IRAK1: variants seen among roughly 807,000 people sequenced by gnomAD.
The protein encoded by IRAK1 is interleukin 1 receptor associated kinase 1.
A neutral mutation model predicts 49.8 loss-of-function variants in IRAK1; 9 were observed. The observed-to-expected ratio is 0.18, with a 90% CI of 0.11 to 0.32. The LOEUF (loss-of-function observed/expected upper bound fraction) is 0.32, where lower values mean the gene tolerates loss of function less well. IRAK1 is among the 10% of genes least tolerant of loss of function. IRAK1 has a pLI of 1.00. For missense variants in IRAK1, 418 were observed against 600.5 expected, an observed-to-expected ratio of 0.70 and a Z score of 3.18; for synonymous variants, 282 against 270.8, an observed-to-expected ratio of 1.04 and a Z score of -0.41.
Position 154,019,587 on chromosome X carries a change from C to G in IRAK1, c.148G>C (p.Val50Leu). Residue 50 changes from valine to leucine, a missense_variant, in exon 2 of 14, where the codon GTG (valine) becomes CTG (leucine). By Grantham distance (32) the Val-to-Leu change is conservative. Coordinates refer to ENST00000369980, the MANE Select transcript of IRAK1 (RefSeq NM_001569.4). ...ADWCQFAALIVRDQTELRLCE... is the reference protein window; with the variant it reads ...ADWCQFAALILRDQTELRLCE... The stretch of plus-strand genomic sequence containing the variant: ...AGCCGCAGCTCGGTCTGGTCGCGCA[C>G]GATCAGGGCGGCTGCGGGGCGGGGG... 9.1e-7 allele frequency: 1 copy of G among 1,098,433 alleles called. No individual in the cohort carries two copies. Among genetic ancestry groups the G allele is most frequent in the Non-Finnish European group, 1.2e-6 (1 of 845,500 alleles). 90.5% of individuals were successfully genotyped at this position (1,098,433 alleles called of 1,213,427 possible).
chrX:154,013,984 A>G, intron 11 of IRAK1, 58 bp downstream of exon 11: 1 of 1,168,606 alleles, frequency 8.6e-7, no homozygotes, highest in South Asian at 1.9e-5. Flanking sequence ...ACTACAGAGC[A>G]AGGCCTGGAA....
chrX:154,017,909 T>A (rs2148642195), intron 7 of IRAK1, 97 bp downstream of exon 7: 16 of 452,658 alleles, frequency 3.5e-5, no homozygotes, highest in East Asian at 1.2e-4. Context: ...CAGGACCCAC[T>A]CACACAGGCT....
Position 154,010,883 on chromosome X carries a change from C to T in IRAK1, c.*976G>A, listed in dbSNP as rs1557127217. 3.0e-6 allele frequency: 1 copy of T among 329,173 alleles called. No homozygotes were observed. The highest frequency in any genetic ancestry group is 2.7e-5 in the African/African-American group (1 of 37,170). The allele number at this position is 329,173 out of a possible 1,213,427, so 27.1% of individuals were successfully genotyped here. On this transcript the variant is annotated 3_prime_UTR_variant, in exon 14 of 14. Coordinates refer to ENST00000369980, the MANE Select transcript of IRAK1 (RefSeq NM_001569.4). ...TGAGCTTGTGGCCTCCGAAGCCTGA[C>T]CTGGCTCGGAGCTCGTCTGTGGCGC...
chrX:154,011,947 C>G, intron 13 of IRAK1, 30 bp from the exon 14 acceptor site: 1 of 1,166,718 alleles, frequency 8.6e-7, no homozygotes, highest in Non-Finnish European at 1.2e-6. Context: ...GTCCGCTTAG[C>G]AAATGGGGGA....
Position 154,013,130 on chromosome X carries a change from G to C in IRAK1, c.1843C>G (p.Leu615Val). The change falls in exon 12 of 14, where the codon CTC becomes GTC. Residue 615 changes from leucine (L) to valine (V), a missense_variant. Transcript: ENST00000369980. ...TPSCPLDPAP[L>V]REAGCPQGDT... Reference sequence around the variant, plus strand: ...CCCTGAGGACAGCCGGCCTCCCTGAGGGGTGCTGGGTCCAGAGGGCAGCTT... The same window carrying C: ...CCCTGAGGACAGCCGGCCTCCCTGACGGGTGCTGGGTCCAGAGGGCAGCTT... 8.3e-7 allele frequency: 1 copy of C among 1,209,875 alleles called. No individual in the cohort carries two copies. The highest frequency in any genetic ancestry group is 3.0e-5 in the East Asian group (1 of 33,812).
In IRAK1 at chrX:154,014,034, C is replaced by T. The variant is rs1557128401; in HGVS notation, c.1539+8G>A. On this transcript the variant is annotated splice_region_variant and intron_variant, in intron 11 of 13. Coordinates refer to ENST00000369980, the MANE Select transcript of IRAK1 (RefSeq NM_001569.4). The stretch of plus-strand genomic sequence containing the variant: ...CTGGCCACCCCGTCCCAGTGCGCAG[C>T]TGGCTACCTGGGTCATAGGAGGCCT... The T allele has an allele frequency of 1.7e-6, 2 of 1,196,396 alleles. No individual in the cohort carries two copies. The highest frequency in any genetic ancestry group is 4.7e-5 in the Admixed American group (2 of 42,359).
At chrX:154,018,514 G>A (rs1290998372) in intron 5 of IRAK1, 85 bp downstream of exon 5, 3 of 930,358 alleles carry the variant, frequency 3.2e-6, no homozygotes, top group East Asian at 6.2e-5. Context: ...AAGGAGTTGT[G>A]TGGGGAAGCG....
rs1201446920 is a variant in IRAK1 at position 154,011,381 on chromosome X, C to T, written c.*478G>A. 2 of 247,132 alleles carry T rather than the reference C, an allele frequency of 8.1e-6. No homozygotes were observed. The highest frequency in any genetic ancestry group is 1.1e-4 in the East Asian group (1 of 9,456). 20.4% of individuals were successfully genotyped at this position (247,132 alleles called of 1,213,427 possible). A position where few individuals can be genotyped will look rare whatever the true frequency, so the allele number is the denominator to read the frequency against. ...CTGGGATTACAGGCGTGAGCCACCG[C>T]ACCCGGCCACACTTTTCCAAATTGT... On this transcript the variant is annotated 3_prime_UTR_variant, in exon 14 of 14. Coordinates refer to ENST00000369980, the MANE Select transcript of IRAK1 (RefSeq NM_001569.4).
At chrX:154,018,143 T>G in intron 6 of IRAK1, 23 bp from the exon 7 acceptor site, 1 of 1,154,736 alleles carries the variant, frequency 8.7e-7, no homozygotes, top group Non-Finnish European at 1.2e-6. Flanking sequence ...GGGGAGCACT[T>G]TCCATCAGGC....
chrX:154,018,429 T>C, intron 5 of IRAK1, 74 bp from the exon 6 acceptor site: 1 of 986,108 alleles, frequency 1.0e-6, no homozygotes, highest in Non-Finnish European at 1.4e-6. Context: ...GCGAAGGCCT[T>C]CGGGCCACCA....
chrX:154,016,557 G>A lies in IRAK1; in HGVS notation c.1116C>T (p.Pro372=). The A allele has an allele frequency of 4.1e-6, 5 of 1,211,953 alleles. No homozygotes were observed. Among genetic ancestry groups the A allele is most frequent in the Non-Finnish European group, 5.6e-6 (5 of 895,166 alleles). ...ARFSRFAGSS[P]SQSSMVARTQ... is the part of the protein sequence containing the mutation. Reference sequence around the variant, plus strand: ...TCCGGGCCACCATGCTGCTCTGGCTGGGGCTGGACCCGGCAAAGCGGCTGA... The same window carrying A: ...TCCGGGCCACCATGCTGCTCTGGCTAGGGCTGGACCCGGCAAAGCGGCTGA... The change falls in exon 9 of 14, where the codon CCC becomes CCT. Residue 372 remains proline, a synonymous_variant. Coordinates refer to ENST00000369980, the MANE Select transcript of IRAK1 (RefSeq NM_001569.4).
rs1557127248 is a variant in IRAK1, at chrX:154,010,960, C to T, written c.*899G>A. ...CCACATTAGGCCAGCTCGCAGGTCCCCAGTAAAGCCTGAAGACACTGGCCC... is the reference window on the plus strand; with the variant it reads ...CCACATTAGGCCAGCTCGCAGGTCCTCAGTAAAGCCTGAAGACACTGGCCC... On this transcript the variant is annotated 3_prime_UTR_variant, in exon 14 of 14. Transcript: ENST00000369980. The T allele has an allele frequency of 5.8e-6, 2 of 342,645 alleles. No homozygotes were observed. Among genetic ancestry groups the T allele is most frequent in the Non-Finnish European group, 5.9e-6 (1 of 170,228 alleles). 28.2% of individuals were successfully genotyped at this position (342,645 alleles called of 1,213,427 possible).
intron 11 of IRAK1, 65 bp downstream of exon 11, chrX:154,013,977 A>G: frequency 1.7e-6 from 2 of 1,155,305 alleles, no homozygotes. Flanking sequence ...TGGGGTCACT[A>G]CAGAGCAAGG....
rs782358689 is a variant in IRAK1 at position 154,016,934 on chromosome X, A to G, written c.1028+15T>C. On this transcript the variant is annotated intron_variant, in intron 8 of 13. Coordinates refer to ENST00000369980, the MANE Select transcript of IRAK1 (RefSeq NM_001569.4). ...GCAGGCCCTGCCCCGGCAGTTCTCAAGGGCCCCTCCTCACCTCTTGATGTC... is the reference window on the plus strand; with the variant it reads ...GCAGGCCCTGCCCCGGCAGTTCTCAGGGGCCCCTCCTCACCTCTTGATGTC... 8 of 1,135,497 alleles carry G rather than the reference A, an allele frequency of 7.0e-6. No homozygotes were observed. The African/African-American group carries it at 1.4e-4, about 20-fold the overall frequency. 93.6% of individuals were successfully genotyped at this position (1,135,497 alleles called of 1,213,427 possible).
intron 11 of IRAK1, among the ~76,000 whole-genome samples, chrX:154,013,729 G>A (rs1234918116): frequency 1.8e-5 from 2 of 113,055 alleles, no homozygotes; most frequent in Non-Finnish European, 3.8e-5. Context: ...GTCACCAGAG[G>A]AGAAGAGGTG....
chrX:154,018,473 G>A, intron 5 of IRAK1, 118 bp from the exon 6 acceptor site: 1 of 900,547 alleles, frequency 1.1e-6, no homozygotes, highest in Non-Finnish European at 1.6e-6. Flanking sequence ...ACCACCAAGG[G>A]GCCAGGGACC....
rs2065700223 is a variant in IRAK1, at chrX:154,011,791, C to CACCATGAGAATTTCTG, written c.*67_*68insCAGAAATTCTCATGGT. ...GCCGGCAGAGTGCTGAGGACTCGTGCACCATGAGAACTTCTGACCATGAGA... is the reference window on the plus strand; with the variant it reads ...GCCGGCAGAGTGCTGAGGACTCGTGCACCATGAGAATTTCTGACCATGAGAACTTCTGACCATGAGA... On this transcript the variant is annotated 3_prime_UTR_variant, in exon 14 of 14. Transcript: ENST00000369980. 1 of 1,057,453 alleles carries CACCATGAGAATTTCTG rather than the reference C, an allele frequency of 9.5e-7. No homozygotes were observed. Among genetic ancestry groups the CACCATGAGAATTTCTG allele is most frequent in the Non-Finnish European group, 1.3e-6 (1 of 754,355 alleles). 87.1% of individuals were successfully genotyped at this position (1,057,453 alleles called of 1,213,427 possible). A position where few individuals can be genotyped will look rare whatever the true frequency, so the allele number is the denominator to read the frequency against.
chrX:154,019,342 G>A lies in IRAK1; in HGVS notation c.305-14C>T. The A allele has an allele frequency of 8.7e-7, 1 of 1,152,546 alleles. No individual in the cohort carries two copies. The highest frequency in any genetic ancestry group is 1.2e-6 in the Non-Finnish European group (1 of 865,591). 95.0% of individuals were successfully genotyped at this position (1,152,546 alleles called of 1,213,427 possible). On this transcript the variant is annotated splice_polypyrimidine_tract_variant and intron_variant, in intron 2 of 13. Transcript: ENST00000369980. The stretch of plus-strand genomic sequence containing the variant: ...CGGGAGGGTGCCCTGGGACGCCAAG[G>A]AAGGAAAGGAAGGTTGAGGCCCGGG...
intron 7 of IRAK1, among the ~76,000 whole-genome samples, chrX:154,017,718 C>T (rs2065749056): frequency 1.0e-5 from 1 of 100,160 alleles, no homozygotes. Context: ...ATCGCCTGAA[C>T]CCGGGAGGTG....
Sources: allele counts gnomAD v4.1 joint callset (sites outside exome capture counted in the v4.1 genomes callset), GRCh38; gene constraint gnomAD v4.1.1; transcripts MANE v1.5; gene names NCBI Gene and HGNC (gene_info 2026-07-23, HGNC 2026-07-21).